TAS2R1: variants seen among roughly 807,000 people sequenced by gnomAD.
TAS2R1 encodes taste receptor type 2 member 1.
For synonymous variants in TAS2R1, 141 were observed against 134.2 expected, an observed-to-expected ratio of 1.05 and a Z score of -0.35; for missense variants, 370 against 353.4, an observed-to-expected ratio of 1.05 and a Z score of -0.38.
the TAS2R1 span, among the ~76,000 whole-genome samples, chr5:9,725,686 C>A: frequency 2.7e-5 from 4 of 147,448 alleles, no homozygotes; most frequent in Admixed American, 2.7e-4. Flanking sequence ...CCCAGCCCCA[C>A]CGACCACCCA....
chr5:9,705,578 G>A (rs1401267453), intron 1 of TAS2R1, among the ~76,000 whole-genome samples: 2 of 152,104 alleles, frequency 1.3e-5, no homozygotes, highest in Non-Finnish European at 2.9e-5. Context: ...TTTAGTGCTG[G>A]CCAAGCACGG....
At chr5:9,760,326 A>ACAT in the TAS2R1 span, among the ~76,000 whole-genome samples, 1 of 152,232 alleles carries the variant, frequency 6.6e-6, no homozygotes, top group African/African-American at 2.4e-5. Flanking sequence ...AGTAGAGGGA[A>ACAT]CATTTCCCAA....
chr5:9,710,140 G>C (rs1196289060), intron 1 of TAS2R1, among the ~76,000 whole-genome samples: 1 of 152,268 alleles, frequency 6.6e-6, no homozygotes, highest in African/African-American at 2.4e-5. Context: ...AGGATTGGCT[G>C]TCTCCTTTAC....
the TAS2R1 span, among the ~76,000 whole-genome samples, chr5:9,762,411 A>C: frequency 6.6e-6 from 1 of 152,238 alleles, no homozygotes; most frequent in African/African-American, 2.4e-5. Context: ...CATATCACCA[A>C]GTTCAAAGGG....
the TAS2R1 span, chr5:9,765,411 C>G: frequency 3.3e-5 from 5 of 151,312 alleles, no homozygotes; most frequent in African/African-American, 1.2e-4. Flanking sequence ...TTTTAAGTGC[C>G]AAGTACAACT....
At chr5:9,891,946 G>C in the TAS2R1 span, among the ~76,000 whole-genome samples, 1 of 152,134 alleles carries the variant, frequency 6.6e-6, no homozygotes, top group Admixed American at 6.5e-5. Context: ...ACCACCTCTA[G>C]CTTCCCCAGG....
intron 1 of TAS2R1, among the ~76,000 whole-genome samples, chr5:9,690,612 AG>A (rs998639647): frequency 6.6e-5 from 10 of 151,912 alleles, no homozygotes; most frequent in Admixed American, 2.0e-4. Context: ...TTTCTGTCAG[AG>A]GGGGGGAAAA....
chr5:9,760,701 T>A, the TAS2R1 span, among the ~76,000 whole-genome samples: 1 of 152,198 alleles, frequency 6.6e-6, no homozygotes, highest in African/African-American at 2.4e-5. Context: ...TCAACTTGAT[T>A]TAAAGCCATA....
At chr5:9,729,844 G>C in the TAS2R1 span, among the ~76,000 whole-genome samples, 1 of 152,150 alleles carries the variant, frequency 6.6e-6, no homozygotes, top group Admixed American at 6.5e-5. Flanking sequence ...CATGTTTTGA[G>C]TTACAGTTTA....
intron 2 of TAS2R1, among the ~76,000 whole-genome samples, chr5:9,653,294 G>A (rs954411934): frequency 3.9e-5 from 6 of 152,070 alleles, no homozygotes; most frequent in Non-Finnish European, 5.9e-5. Context: ...TGTAGCATAC[G>A]TCAGAATTCC....
At chr5:9,752,267 T>G in the TAS2R1 span, among the ~76,000 whole-genome samples, 2 of 152,212 alleles carry the variant, frequency 1.3e-5, 1 homozygote, top group Middle Eastern at 6.3e-3. Context: ...CTTGTGAGTA[T>G]ATGTCCTGGT....
chr5:9,806,717 T>A, the TAS2R1 span, among the ~76,000 whole-genome samples: 2 of 152,116 alleles, frequency 1.3e-5, no homozygotes, highest in African/African-American at 4.8e-5. Context: ...TGAAACTGGA[T>A]TCTCATTTCT....
At chr5:9,648,155 G>C (rs1329658930) in intron 2 of TAS2R1, among the ~76,000 whole-genome samples, 1 of 152,060 alleles carries the variant, frequency 6.6e-6, no homozygotes, top group Non-Finnish European at 1.5e-5. Context: ...AGTATGGATT[G>C]GGGAGAGAAT....
the TAS2R1 span, among the ~76,000 whole-genome samples, chr5:9,751,603 C>T: frequency 6.6e-6 from 1 of 152,274 alleles, no homozygotes; most frequent in Admixed American, 6.5e-5. Flanking sequence ...GATTCCCACA[C>T]TTGCTTTACA....
At chr5:9,671,197 C>A (rs756733882) in intron 1 of TAS2R1, among the ~76,000 whole-genome samples, 1 of 152,104 alleles carries the variant, frequency 6.6e-6, no homozygotes, top group Non-Finnish European at 1.5e-5. Flanking sequence ...ACTGAATGGG[C>A]AAAAGCTGGG....
At chr5:9,678,981 A>T (rs543707249) in intron 1 of TAS2R1, among the ~76,000 whole-genome samples, 60 of 152,328 alleles carry the variant, frequency 3.9e-4, no homozygotes, top group African/African-American at 1.4e-3. Context: ...AGGTGAGTGG[A>T]TAAAATAAAC....
At chr5:9,899,680 A>T in the TAS2R1 span, among the ~76,000 whole-genome samples, 20,974 of 151,842 alleles carry the variant, frequency 0.14, 1,618 homozygotes, top group East Asian at 0.27. Flanking sequence ...TCAAATAAGC[A>T]GCCTCTCACA....
chr5:9,863,249 G>A, the TAS2R1 span: 57 of 152,042 alleles, frequency 3.7e-4, no homozygotes, highest in African/African-American at 1.2e-3. Flanking sequence ...TACAGAAAGC[G>A]GCTGAGACCC....
intron 2 of TAS2R1, among the ~76,000 whole-genome samples, chr5:9,657,368 A>C (rs548268300): frequency 4.3e-4 from 65 of 152,364 alleles, no homozygotes; most frequent in African/African-American, 1.6e-3. Context: ...CAATTAGCTT[A>C]GTTAGATCCT....
Sources: allele counts gnomAD v4.1 joint callset (sites outside exome capture counted in the v4.1 genomes callset), GRCh38; gene constraint gnomAD v4.1.1; transcripts MANE v1.5; gene names NCBI Gene and HGNC (gene_info 2026-07-23, HGNC 2026-07-21).